Variants in FAM13A observed in about 807,000 individuals in gnomAD.
FAM13A encodes the protein family with sequence similarity 13 member A, also known as protein FAM13A.
Under a neutral mutation model 129.6 loss-of-function variants are expected in FAM13A, and 76 were observed. The ratio of observed to expected loss-of-function variants is 0.59; its 90% confidence interval spans 0.49 to 0.71. FAM13A has a LOEUF of 0.71. FAM13A is among the 30% of genes least tolerant of loss of function. The pLI is 0.00. For missense variants in FAM13A, 1,108 were observed against 1,249.3 expected (o/e 0.89, Z 1.70); for synonymous variants, 443 against 449.9 (o/e 0.98, Z 0.20).
At chr4:89,034,988 G>A (rs1307802392) in intron 1 of FAM13A, among the ~76,000 whole-genome samples, 1 of 152,206 alleles carries the variant, frequency 6.6e-6, no homozygotes, top group Non-Finnish European at 1.5e-5. Context: ...GGGTGCCCAT[G>A]AGTGGCAGAA....
At chr4:88,858,400 A>G (rs191779993) in intron 6 of FAM13A, among the ~76,000 whole-genome samples, 164 of 152,340 alleles carry the variant, frequency 1.1e-3, no homozygotes, top group Non-Finnish European at 1.6e-3. Flanking sequence ...ACAAATTTTC[A>G]TTCTGTTACA....
At chr4:88,947,994 GA>G (rs922121121) in intron 4 of FAM13A, among the ~76,000 whole-genome samples, 2 of 152,022 alleles carry the variant, frequency 1.3e-5, no homozygotes, top group African/African-American at 4.8e-5. Context: ...AATGATTAGG[GA>G]AAAAAGTCTA....
At chr4:88,729,533 C>T (rs960141679) in intron 23 of FAM13A, 1 of 152,206 alleles carries the variant, frequency 6.6e-6, no homozygotes, top group African/African-American at 2.4e-5. Flanking sequence ...TATTCATACC[C>T]TGCCTTGTTC....
chr4:89,053,059 T>C (rs1388467060), intron 1 of FAM13A, among the ~76,000 whole-genome samples: 1 of 152,204 alleles, frequency 6.6e-6, no homozygotes, highest in Non-Finnish European at 1.5e-5. Flanking sequence ...AAGCCACCAT[T>C]TCAGCACTTT....
rs56710705 is a variant in FAM13A, at chr4:89,025,245, G to GTTTTTTTTTTT, written c.217+4204_217+4214dup. Among the ~76,000 whole-genome samples, 171 of 61,366 alleles carry GTTTTTTTTTTT rather than the reference G, an allele frequency of 2.8e-3. 44 individuals are homozygous for GTTTTTTTTTTT. Among genetic ancestry groups the GTTTTTTTTTTT allele is most frequent in the Non-Finnish European group, 4.8e-3 (149 of 30,802 alleles). The allele number at this position is 61,366 out of a possible 152,430, so 40.3% of individuals were successfully genotyped here. On this transcript the variant is annotated intron_variant, in intron 2 of 23. Transcript: ENST00000264344. ...GCTAAAGGTTAACCATGGAATCATT[G>GTTTTTTTTTTT]TTTTTTTTTTTTTTTTTTTTTTTTT...
intron 4 of FAM13A, among the ~76,000 whole-genome samples, chr4:88,979,617 T>C (rs1761392899): frequency 1.3e-5 from 2 of 152,176 alleles, no homozygotes; most frequent in Non-Finnish European, 2.9e-5. Flanking sequence ...AAAGCATCTA[T>C]AACATTACCA....
At chr4:88,741,250 T>C (rs973296213) in intron 19 of FAM13A, among the ~76,000 whole-genome samples, 2 of 152,146 alleles carry the variant, frequency 1.3e-5, no homozygotes, top group Non-Finnish European at 1.5e-5. Context: ...AAACCAGAAA[T>C]TGCCCATATG....
chr4:88,920,417 C>T (rs565808296), intron 5 of FAM13A, among the ~76,000 whole-genome samples: 62 of 152,306 alleles, frequency 4.1e-4, no homozygotes, highest in African/African-American at 1.3e-3. Flanking sequence ...CTGCAGCCAC[C>T]GCTGCTGATA....
intron 7 of FAM13A, among the ~76,000 whole-genome samples, chr4:88,827,581 C>T (rs1313636046): frequency 1.3e-5 from 2 of 152,196 alleles, no homozygotes; most frequent in Non-Finnish European, 2.9e-5. Flanking sequence ...AATTTCTCTT[C>T]CTCCTGGCCC....
rs201337586 is a variant in FAM13A at position 88,726,371 on chromosome 4, C to CTT, written c.*2160_*2161dup. The CTT allele has an allele frequency of 2.6e-5, 4 of 152,456 alleles. No homozygotes were observed. The East Asian group carries it at 7.7e-4, about 29-fold the overall frequency. The allele number at this position is 152,456 out of a possible 1,614,324, so 9.4% of individuals were successfully genotyped here. The stretch of plus-strand genomic sequence containing the variant: ...CTCATACACAATTTATTTTATATAA[C>CTT]TTACTTGGTGTTTTCTTTTATTGAA... On this transcript the variant is annotated 3_prime_UTR_variant, in exon 24 of 24. Coordinates refer to ENST00000264344, the MANE Select transcript of FAM13A (RefSeq NM_014883.4).
intron 11 of FAM13A, among the ~76,000 whole-genome samples, chr4:88,774,755 T>C (rs1487708112): frequency 6.6e-6 from 1 of 152,180 alleles, no homozygotes; most frequent in East Asian, 1.9e-4. Flanking sequence ...ACGTAATATT[T>C]TTTTAAAAAG....
At chr4:88,865,072 A>G (rs377741480) in intron 6 of FAM13A, among the ~76,000 whole-genome samples, 22 of 152,366 alleles carry the variant, frequency 1.4e-4, no homozygotes, top group African/African-American at 5.0e-4. Context: ...ACATATTTAC[A>G]TGGATTAAGC....
intron 4 of FAM13A, among the ~76,000 whole-genome samples, chr4:88,967,408 T>C (rs1484853184): frequency 6.6e-6 from 1 of 152,230 alleles, no homozygotes; most frequent in Non-Finnish European, 1.5e-5. Context: ...AGCTTTCCCA[T>C]GACAATCATT....
intron 1 of FAM13A, among the ~76,000 whole-genome samples, chr4:89,031,492 A>C (rs984695867): frequency 6.6e-6 from 1 of 152,192 alleles, no homozygotes; most frequent in African/African-American, 2.4e-5. Flanking sequence ...TAAAATGGGA[A>C]TACCAAGAGT....
chr4:88,858,241 G>A (rs893771018), intron 6 of FAM13A, among the ~76,000 whole-genome samples: 8 of 152,148 alleles, frequency 5.3e-5, no homozygotes, highest in African/African-American at 1.9e-4. Flanking sequence ...GTAGGGTGAG[G>A]TTTCTTATTA....
At chr4:88,898,015 G>C (rs1746637691) in intron 6 of FAM13A, among the ~76,000 whole-genome samples, 1 of 152,080 alleles carries the variant, frequency 6.6e-6, no homozygotes, top group African/African-American at 2.4e-5. Flanking sequence ...GAATTAGTTG[G>C]TCATAAACCA....
intron 5 of FAM13A, among the ~76,000 whole-genome samples, chr4:88,913,396 AAAGAAG>A (rs149840901): frequency 2.9e-5 from 4 of 139,452 alleles, no homozygotes; most frequent in Non-Finnish European, 6.2e-5. Context: ...GGAGGAAGAC[AAAGAAG>A]AAGAAGTAGT....
intron 5 of FAM13A, chr4:88,937,336 T>G (rs1754010867): frequency 6.6e-6 from 1 of 152,204 alleles, no homozygotes; most frequent in African/African-American, 2.4e-5. Context: ...GTAAACCTGA[T>G]AAGCTTCAAG....
intron 7 of FAM13A, among the ~76,000 whole-genome samples, chr4:88,811,082 G>A (rs1009165595): frequency 1.7e-4 from 26 of 152,038 alleles, no homozygotes; most frequent in Admixed American, 7.9e-4. Flanking sequence ...CAAGACAAAG[G>A]GAAAAAACTA....
Sources: allele counts gnomAD v4.1 joint callset (sites outside exome capture counted in the v4.1 genomes callset), GRCh38; gene constraint gnomAD v4.1.1; transcripts MANE v1.5; gene names NCBI Gene and HGNC (gene_info 2026-07-23, HGNC 2026-07-21).